Variants in PARD3B observed in about 807,000 individuals in gnomAD.
PARD3B encodes the protein par-3 family cell polarity regulator beta.
A neutral mutation model predicts 130.2 loss-of-function variants in PARD3B; 103 were observed. The ratio of observed to expected loss-of-function variants is 0.79; its 90% CI spans 0.67 to 0.93. The LOEUF is 0.93. Among genes scored for constraint, PARD3B ranks in the 40% least tolerant of loss-of-function variants. The pLI is 0.00. For missense variants in PARD3B, 1,609 were observed against 1,499.2 expected, an observed-to-expected ratio of 1.07 and a Z score of -1.21; for synonymous variants, 583 against 553.2, an observed-to-expected ratio of 1.05 and a Z score of -0.76.
chr2:204,924,721 T>G (rs1324385767), intron 2 of PARD3B, among the ~76,000 whole-genome samples: 2 of 152,076 alleles, frequency 1.3e-5, no homozygotes, highest in Non-Finnish European at 2.9e-5. Flanking sequence ...GCTTTAAATT[T>G]AATGTAAAAG....
At position 204,766,834 on chromosome 2, in the gene PARD3B, A is replaced by G. The variant is rs545596098; in HGVS notation, c.222+80552A>G. 2.6e-5 allele frequency among the ~76,000 whole-genome samples: 4 copies of G among 151,330 alleles called. No individual in the cohort carries two copies. The South Asian group carries it at 6.2e-4, about 24-fold the overall frequency. On this transcript the variant is annotated intron_variant, in intron 2 of 22. Transcript: ENST00000406610. ...AAAAAAAAAAACAAAAGCAAACATT[A>G]GAGATTATACTGAGGAATTGATTGA...
At chr2:205,391,980 A>G (rs908732295) in intron 18 of PARD3B, among the ~76,000 whole-genome samples, 2 of 152,116 alleles carry the variant, frequency 1.3e-5, no homozygotes, top group African/African-American at 4.8e-5. Context: ...TTTCTTACAA[A>G]TCGTCCATTC....
Position 204,819,775 on chromosome 2 carries a change from G to C in PARD3B, c.222+133493G>C, listed in dbSNP as rs149948727. Among the ~76,000 whole-genome samples the C allele has an allele frequency of 6.8e-3, 1,036 of 152,246 alleles. 9 individuals carry two copies. Among genetic ancestry groups the C allele is most frequent in the African/African-American group, 0.023 (975 of 41,542 alleles). On this transcript the variant is annotated intron_variant, in intron 2 of 22. Coordinates refer to ENST00000406610, the MANE Select transcript of PARD3B (RefSeq NM_001302769.2). ...GCAAAACAGCCTCATTGGTGATATG[G>C]AGAAGGTTGAGTAGTCTAGATAGAA...
intron 2 of PARD3B, among the ~76,000 whole-genome samples, chr2:204,961,354 G>A (rs1048028623): frequency 1.1e-4 from 16 of 152,096 alleles, no homozygotes; most frequent in Admixed American, 9.8e-4. Context: ...CAAATAGAGT[G>A]TATGGGAGAC....
intron 2 of PARD3B, among the ~76,000 whole-genome samples, chr2:204,864,452 A>G (rs1440393506): frequency 6.6e-6 from 1 of 152,012 alleles, no homozygotes; most frequent in Non-Finnish European, 1.5e-5. Context: ...TGACCACCCA[A>G]CATCCTTTCT....
intron 2 of PARD3B, among the ~76,000 whole-genome samples, chr2:204,897,950 A>G (rs1203742285): frequency 6.6e-6 from 1 of 152,030 alleles, no homozygotes; most frequent in African/African-American, 2.4e-5. Flanking sequence ...GTAGTTAATA[A>G]AGGACTAAAT....
intron 3 of PARD3B, among the ~76,000 whole-genome samples, chr2:205,002,311 G>C (rs979061654): frequency 1.3e-5 from 2 of 152,166 alleles, no homozygotes; most frequent in Non-Finnish European, 2.9e-5. Context: ...TTCTGGCTCT[G>C]ACATTTCAGA....
At chr2:205,345,318 A>T (rs1204815599) in intron 18 of PARD3B, among the ~76,000 whole-genome samples, 1 of 152,228 alleles carries the variant, frequency 6.6e-6, no homozygotes, top group East Asian at 1.9e-4. Context: ...GGTACTTAGC[A>T]AGACCTCTTT....
At position 204,829,948 on chromosome 2, in the gene PARD3B, G is replaced by C. The variant is rs539417646; in HGVS notation, c.223-135204G>C. Among the ~76,000 whole-genome samples the C allele has an allele frequency of 7.2e-3, 1,016 of 140,518 alleles. 11 individuals carry two copies. Among genetic ancestry groups the C allele is most frequent in the African/African-American group, 0.025 (922 of 36,950 alleles). The allele number at this position is 140,518 out of a possible 152,430, so 92.2% of individuals were successfully genotyped here. A position where few individuals can be genotyped will look rare whatever the true frequency, so the allele number is the denominator to read the frequency against. Reference sequence around the variant, plus strand: ...CGGGAGGCGGAGCTTGCAGTGAGCCGAGATCGCGCCACTGCACTCCAGCCT... The same window carrying C: ...CGGGAGGCGGAGCTTGCAGTGAGCCCAGATCGCGCCACTGCACTCCAGCCT... On this transcript the variant is annotated intron_variant, in intron 2 of 22. Coordinates refer to ENST00000406610, the MANE Select transcript of PARD3B (RefSeq NM_001302769.2).
intron 20 of PARD3B, among the ~76,000 whole-genome samples, chr2:205,478,464 G>T (rs908608397): frequency 2.0e-5 from 3 of 152,192 alleles, no homozygotes; most frequent in African/African-American, 7.2e-5. Context: ...TGGGCAGCAA[G>T]CATATCTTAT....
intron 2 of PARD3B, among the ~76,000 whole-genome samples, chr2:204,928,544 T>C (rs1308348241): frequency 6.6e-6 from 1 of 152,106 alleles, no homozygotes; most frequent in African/African-American, 2.4e-5. Flanking sequence ...TGTGACTTGG[T>C]GCTTAAACAA....
At chr2:204,691,464 A>AC (rs2037349024) in intron 2 of PARD3B, among the ~76,000 whole-genome samples, 1 of 151,986 alleles carries the variant, frequency 6.6e-6, no homozygotes, top group Non-Finnish European at 1.5e-5. Flanking sequence ...ATCACATGTG[A>AC]TATCTGGTAT....
At chr2:205,544,853 T>C (rs533566427) in intron 21 of PARD3B, among the ~76,000 whole-genome samples, 1 of 152,338 alleles carries the variant, frequency 6.6e-6, no homozygotes, top group South Asian at 2.1e-4. Context: ...CTTTTATAAA[T>C]GTGCACAGGT....
intron 21 of PARD3B, among the ~76,000 whole-genome samples, chr2:205,551,819 C>T (rs544153694): frequency 2.6e-5 from 4 of 152,262 alleles, no homozygotes; most frequent in African/African-American, 9.6e-5. Flanking sequence ...AAAATTTTCC[C>T]TACTGACCTT....
Position 204,799,766 on chromosome 2 carries a change from A to G in PARD3B, c.222+113484A>G, listed in dbSNP as rs1486936797. 6.6e-6 allele frequency among the ~76,000 whole-genome samples: 1 copy of G among 152,122 alleles called. No individual in the cohort carries two copies. Among genetic ancestry groups the G allele is most frequent in the Non-Finnish European group, 1.5e-5 (1 of 68,012 alleles). Reference sequence around the variant, plus strand: ...CTCCCAGATCTTATCCAAGACCACCAAGATGGTACCTGTACAAGTCTGCAA... The same window carrying G: ...CTCCCAGATCTTATCCAAGACCACCGAGATGGTACCTGTACAAGTCTGCAA... On this transcript the variant is annotated intron_variant, in intron 2 of 22. Transcript: ENST00000406610. The surrounding 1 kb of genome is among the most constrained non-coding windows in gnomAD (Gnocchi z 4.1).
At chr2:205,570,731 A>C (rs1247309760) in intron 22 of PARD3B, among the ~76,000 whole-genome samples, 1 of 152,190 alleles carries the variant, frequency 6.6e-6, no homozygotes, top group African/African-American at 2.4e-5. Flanking sequence ...TAGAGACCAG[A>C]CGTATGTGTT....
In PARD3B at chr2:204,623,469, A is replaced by G. The variant is rs2034374255; in HGVS notation, c.121-62712A>G. Among the ~76,000 whole-genome samples, 2 of 152,088 alleles carry G rather than the reference A, an allele frequency of 1.3e-5. No homozygotes were observed. Among genetic ancestry groups the G allele is most frequent in the East Asian group, 1.9e-4 (1 of 5,198 alleles). On this transcript the variant is annotated intron_variant, in intron 1 of 22. Transcript: ENST00000406610. This position sits in a 1 kb window ranked among gnomAD's most constrained non-coding sequence, Gnocchi z 4.5. ...CCTCCACCATCCCTTTTTCCTTGCA[A>G]TCAACAATCTTTTCTATATCTCTAT...
intron 18 of PARD3B, among the ~76,000 whole-genome samples, chr2:205,332,552 T>C (rs927000378): frequency 1.3e-5 from 2 of 151,978 alleles, no homozygotes; most frequent in African/African-American, 4.8e-5. Flanking sequence ...ATATTTGTGG[T>C]CTTCTACTTT....
chr2:205,162,938 C>CTAAAAATTTACTAAAA (rs2034591104), intron 11 of PARD3B, among the ~76,000 whole-genome samples: 1 of 152,034 alleles, frequency 6.6e-6, no homozygotes, highest in Admixed American at 6.6e-5. Context: ...TTTCATGTAC[C>CTAAAAATTTACTAAAA]ATATTAACTG....
Sources: gnomAD v4.1 joint callset for allele counts (sites outside exome capture counted in the v4.1 genomes callset) on GRCh38, gnomAD v4.1.1 for gene constraint, Gnocchi (gnomAD v3.1) non-coding constraint, MANE v1.5 for transcripts, NCBI Gene and HGNC (gene_info 2026-07-23, HGNC 2026-07-21) for gene names.